DDHD1: variants seen among roughly 807,000 people sequenced by gnomAD.
The protein encoded by DDHD1 is phospholipase DDHD1.
A neutral mutation model predicts 96.4 loss-of-function variants in DDHD1; 49 were observed. That is an observed-to-expected ratio of 0.51 (90% confidence interval 0.40 to 0.64). The LOEUF (loss-of-function observed/expected upper bound fraction) is 0.64, where lower values mean the gene tolerates loss of function less well. DDHD1 is among the 30% of genes least tolerant of loss of function. The probability of loss-of-function intolerance (pLI) is 0.00; values close to 1 mark genes in which losing one functional copy is unlikely to be tolerated. For missense variants in DDHD1, 1,106 were observed against 1,161.2 expected, an observed-to-expected ratio of 0.95 and a Z score of 0.69; for synonymous variants, 442 against 446.5, an observed-to-expected ratio of 0.99 and a Z score of 0.13.
At chr14:53,129,779 C>G (rs1273178503) in intron 1 of DDHD1, among the ~76,000 whole-genome samples, 1 of 152,162 alleles carries the variant, frequency 6.6e-6, no homozygotes, top group South Asian at 2.1e-4. Context: ...ACCTAAGCAT[C>G]TTATTTTCTT....
In DDHD1 at chr14:53,041,078, A is replaced by C. The variant is rs1464264559; in HGVS notation, c.*5690T>G. 1 of 152,022 alleles carries C rather than the reference A, an allele frequency of 6.6e-6. No individual in the cohort carries two copies. The highest frequency in any genetic ancestry group is 2.1e-4 in the South Asian group (1 of 4,822). 9.4% of individuals were successfully genotyped at this position (152,022 alleles called of 1,614,324 possible). The stretch of plus-strand genomic sequence containing the variant: ...AGTGGGTGTGGGTACAGTCAAGGGA[A>C]GGTATGAGTGACGCTCCTAGATATT... On this transcript the variant is annotated 3_prime_UTR_variant, in exon 13 of 13. Transcript: ENST00000673822.
chr14:53,117,703 T>C (rs370866355), intron 1 of DDHD1, among the ~76,000 whole-genome samples: 17 of 150,916 alleles, frequency 1.1e-4, no homozygotes, highest in Admixed American at 2.6e-4. Flanking sequence ...ACTGCCTCTA[T>C]AGATTCCACC....
Position 53,051,946 on chromosome 14 carries a change from A to G in DDHD1, c.2438-19T>C. ...CTGAAATCTGTGAAAAAAAAACACA[A>G]GATGCTGTAAAGGGTTGGCTGATGA... On this transcript the variant is annotated intron_variant, in intron 11 of 12. Coordinates refer to ENST00000673822, the MANE Select transcript of DDHD1 (RefSeq NM_001160148.2). The G allele has an allele frequency of 6.4e-7, 1 of 1,554,368 alleles. No individual in the cohort carries two copies. The highest frequency in any genetic ancestry group is 8.7e-7 in the Non-Finnish European group (1 of 1,144,334).
intron 1 of DDHD1, among the ~76,000 whole-genome samples, chr14:53,109,228 T>C (rs141218332): frequency 1.1e-3 from 169 of 152,308 alleles, no homozygotes; most frequent in Non-Finnish European, 1.7e-3. Flanking sequence ...CTGTCTCTTC[T>C]AGGAGCAATG....
intron 2 of DDHD1, among the ~76,000 whole-genome samples, chr14:53,102,834 C>T (rs566241656): frequency 6.6e-6 from 1 of 151,032 alleles, no homozygotes; most frequent in Non-Finnish European, 1.5e-5. Flanking sequence ...ATCACCTGAT[C>T]AATATTGAGT....
At chr14:53,136,340 G>A (rs1309737807) in intron 1 of DDHD1, among the ~76,000 whole-genome samples, 1 of 152,192 alleles carries the variant, frequency 6.6e-6, no homozygotes, top group Non-Finnish European at 1.5e-5. Context: ...CAAGCTTAGT[G>A]CCAGAGTTTC....
chr14:53,075,765 T>C (rs1010359947), intron 4 of DDHD1, among the ~76,000 whole-genome samples: 2 of 152,160 alleles, frequency 1.3e-5, no homozygotes, highest in African/African-American at 2.4e-5. Flanking sequence ...AACTTGGAAG[T>C]TGAAGCCAAT....
intron 2 of DDHD1, chr14:53,093,657 G>A: frequency 6.0e-6 from 3 of 499,410 alleles, no homozygotes; most frequent in Admixed American, 4.0e-5. Flanking sequence ...CCTGCTACAG[G>A]GAATGGCAAC....
intron 7 of DDHD1, among the ~76,000 whole-genome samples, chr14:53,062,472 T>G (rs578035453): frequency 3.4e-4 from 51 of 152,126 alleles, no homozygotes; most frequent in African/African-American, 1.2e-3. Context: ...AATAAAATCT[T>G]ATAATTATAT....
At chr14:53,074,751 C>A (rs1420842699) in intron 4 of DDHD1, among the ~76,000 whole-genome samples, 5 of 152,098 alleles carry the variant, frequency 3.3e-5, no homozygotes, top group Non-Finnish European at 7.4e-5. Context: ...TTACTGCATT[C>A]ATTTTTTAAA....
At chr14:53,096,529 A>G (rs1886898828) in intron 2 of DDHD1, among the ~76,000 whole-genome samples, 1 of 152,046 alleles carries the variant, frequency 6.6e-6, no homozygotes, top group Non-Finnish European at 1.5e-5. Flanking sequence ...ATGCCAAGAG[A>G]TTTATAAACT....
chr14:53,080,346 G>A (rs1187788211), intron 4 of DDHD1, among the ~76,000 whole-genome samples: 1 of 152,016 alleles, frequency 6.6e-6, no homozygotes, highest in African/African-American at 2.4e-5. Context: ...GGGTGACAGA[G>A]CAAAACTCTC....
chr14:53,098,355 T>G (rs1449985222), intron 2 of DDHD1, among the ~76,000 whole-genome samples: 1 of 152,042 alleles, frequency 6.6e-6, no homozygotes, highest in Non-Finnish European at 1.5e-5. Flanking sequence ...TTAAAGAAAC[T>G]TTCTGCATTA....
At chr14:53,061,335 T>G in intron 7 of DDHD1, 134 bp from the exon 8 acceptor site, 1 of 627,852 alleles carries the variant, frequency 1.6e-6, no homozygotes. Flanking sequence ...GTTGACAGTA[T>G]TTAATAAATG....
At chr14:53,111,444 T>G (rs750989398) in intron 1 of DDHD1, among the ~76,000 whole-genome samples, 2 of 152,230 alleles carry the variant, frequency 1.3e-5, no homozygotes, top group Non-Finnish European at 2.9e-5. Context: ...GACTCTTCCT[T>G]CTTCCCTGTA....
At chr14:53,080,322 C>G (rs1048463144) in intron 4 of DDHD1, among the ~76,000 whole-genome samples, 14 of 152,136 alleles carry the variant, frequency 9.2e-5, no homozygotes, top group African/African-American at 3.4e-4. Context: ...GATCATGCCA[C>G]TGCACAACAG....
chr14:53,110,616 C>T (rs545816497), intron 1 of DDHD1, among the ~76,000 whole-genome samples: 1 of 152,292 alleles, frequency 6.6e-6, no homozygotes, highest in African/African-American at 2.4e-5. Context: ...TAGTCTTCCT[C>T]CTTTCTCTGG....
At chr14:53,088,620 G>A (rs1451308110) in intron 4 of DDHD1, among the ~76,000 whole-genome samples, 3 of 152,092 alleles carry the variant, frequency 2.0e-5, no homozygotes, top group Non-Finnish European at 2.9e-5. Flanking sequence ...AAATTCAACA[G>A]CACTTCATGC....
In DDHD1 at chr14:53,113,355, TTTTTCTTTTTA is replaced by T. The variant is rs1204888066; in HGVS notation, c.839-9510_839-9500del. ...CATTCTATATTTTCTTTTTCTTTTT[TTTTTCTTTTTA>T]AAAAAAAAAACCCCTGTACAAGCCA... On this transcript the variant is annotated intron_variant, in intron 1 of 12. Coordinates refer to ENST00000673822, the MANE Select transcript of DDHD1 (RefSeq NM_001160148.2). 6.2e-4 allele frequency among the ~76,000 whole-genome samples: 93 copies of T among 149,090 alleles called. 2 individuals carry two copies. The East Asian group carries it at 0.013, about 20-fold the overall frequency.
Sources: allele counts gnomAD v4.1 joint callset (sites outside exome capture counted in the v4.1 genomes callset), GRCh38; gene constraint gnomAD v4.1.1; transcripts MANE v1.5; gene names NCBI Gene and HGNC (gene_info 2026-07-23, HGNC 2026-07-21).